Variants in CNTNAP2 observed in about 807,000 individuals in gnomAD.
CNTNAP2 encodes contactin associated protein 2, also known as contactin-associated protein-like 2.
CNTNAP2 carries 98 observed loss-of-function variants against 155.2 expected under a neutral mutation model. The observed-to-expected ratio is 0.63, with a 90% confidence interval of 0.54 to 0.75. The LOEUF is 0.75. Ranked by LOEUF, CNTNAP2 falls within the 30% of genes least tolerant of loss-of-function variation. The pLI, the probability that CNTNAP2 is intolerant of heterozygous loss-of-function variation, is 0.00. For missense variants in CNTNAP2, 1,727 were observed against 1,688.1 expected (o/e 1.02, Z -0.40); for synonymous variants, 651 against 631.2 (o/e 1.03, Z -0.47).
intron 18 of CNTNAP2, among the ~76,000 whole-genome samples, chr7:148,197,701 T>A (rs1396261719): frequency 6.6e-6 from 1 of 152,170 alleles, no homozygotes; most frequent in Non-Finnish European, 1.5e-5. Flanking sequence ...ATTTCAGCAA[T>A]CTTGACAGGC....
At chr7:147,734,123 G>A (rs1056462702) in intron 13 of CNTNAP2, among the ~76,000 whole-genome samples, 6 of 152,128 alleles carry the variant, frequency 3.9e-5, no homozygotes, top group African/African-American at 1.4e-4. Flanking sequence ...TCCAGTTTTT[G>A]CCCATTCAGT....
At chr7:147,300,733 C>T (rs34166730) in intron 9 of CNTNAP2, among the ~76,000 whole-genome samples, 3 of 152,118 alleles carry the variant, frequency 2.0e-5, no homozygotes, top group Admixed American at 6.5e-5. Flanking sequence ...CAAACTGTTA[C>T]TTGTGGCTGC....
At chr7:147,523,403 T>C (rs1799263100) in intron 11 of CNTNAP2, among the ~76,000 whole-genome samples, 1 of 152,124 alleles carries the variant, frequency 6.6e-6, no homozygotes, top group South Asian at 2.1e-4. Context: ...CTTCACCGTA[T>C]TGTATTCTTT....
intron 21 of CNTNAP2, among the ~76,000 whole-genome samples, chr7:148,272,813 G>A (rs1050464312): frequency 1.3e-5 from 2 of 152,168 alleles, no homozygotes; most frequent in East Asian, 1.9e-4. Flanking sequence ...TGTCCAGAGC[G>A]AGGGTATTAG....
rs963172081 is a variant in CNTNAP2 at position 148,028,937 on chromosome 7, T to C, written c.2383+50948T>C. Among the ~76,000 whole-genome samples, 6 of 152,294 alleles carry C rather than the reference T, an allele frequency of 3.9e-5. No homozygotes were observed. The South Asian group carries it at 1.2e-3, about 32-fold the overall frequency. ...TGGGGGAAGAGAAATCATCATAGTA[T>C]GACAATTGGGAGAAAATTACGTTTT... On this transcript the variant is annotated intron_variant, in intron 15 of 23. Coordinates refer to ENST00000361727, the MANE Select transcript of CNTNAP2 (RefSeq NM_014141.6).
intron 20 of CNTNAP2, among the ~76,000 whole-genome samples, chr7:148,246,256 G>A (rs1796260482): frequency 6.6e-6 from 1 of 152,140 alleles, no homozygotes; most frequent in African/African-American, 2.4e-5. Context: ...GTACTAAAAA[G>A]GATGTGTCTG....
intron 12 of CNTNAP2, among the ~76,000 whole-genome samples, chr7:147,583,169 T>C (rs956383110): frequency 6.6e-6 from 1 of 152,106 alleles, no homozygotes; most frequent in African/African-American, 2.4e-5. Flanking sequence ...ATTAATTTAA[T>C]TTATGAGAAA....
In CNTNAP2 at chr7:146,340,168, C is replaced by CAAA. The variant is rs1195946572; in HGVS notation, c.97+223216_97+223218dup. Among the ~76,000 whole-genome samples, 194 of 54,570 alleles carry CAAA rather than the reference C, an allele frequency of 3.6e-3. 3 individuals are homozygous for CAAA. Among genetic ancestry groups the CAAA allele is most frequent in the African/African-American group, 6.3e-3 (112 of 17,882 alleles). The allele number at this position is 54,570 out of a possible 152,430, so 35.8% of individuals were successfully genotyped here. ...TGGGCGATAGAGCGAGACTCCGCCT[C>CAAA]AAAAAAAAAAAAAAAAAAAAAAAGA... On this transcript the variant is annotated intron_variant, in intron 1 of 23. Coordinates refer to ENST00000361727, the MANE Select transcript of CNTNAP2 (RefSeq NM_014141.6).
intron 8 of CNTNAP2, among the ~76,000 whole-genome samples, chr7:147,275,172 A>AT (rs1044002246): frequency 6.6e-6 from 1 of 151,314 alleles, no homozygotes; most frequent in South Asian, 2.1e-4. Flanking sequence ...GAAATTTAGA[A>AT]TTTTTTTTTC....
chr7:147,158,527 G>A (rs1801968280), intron 8 of CNTNAP2, among the ~76,000 whole-genome samples: 1 of 152,028 alleles, frequency 6.6e-6, no homozygotes, highest in South Asian at 2.1e-4. Flanking sequence ...ATCTTATTCA[G>A]CTGACCTGCG....
At chr7:147,307,511 G>C (rs1235521083) in intron 9 of CNTNAP2, among the ~76,000 whole-genome samples, 7 of 152,112 alleles carry the variant, frequency 4.6e-5, no homozygotes, top group African/African-American at 1.7e-4. Context: ...TTGAACCCAG[G>C]AGGCAGAGGT....
intron 21 of CNTNAP2, among the ~76,000 whole-genome samples, chr7:148,372,275 A>G (rs995409358): frequency 1.2e-4 from 19 of 152,170 alleles, no homozygotes; most frequent in Admixed American, 1.3e-4. Context: ...GAAGCTTGGC[A>G]GGACTGGAAG....
At position 147,853,933 on chromosome 7, in the gene CNTNAP2, T is replaced by C. The variant is rs560635453; in HGVS notation, c.2099-49632T>C. Among the ~76,000 whole-genome samples the C allele has an allele frequency of 5.3e-5, 8 of 152,340 alleles. No individual in the cohort carries two copies. In the South Asian group the frequency reaches 1.7e-3, roughly 32 times the overall value. On this transcript the variant is annotated intron_variant, in intron 13 of 23. Coordinates refer to ENST00000361727, the MANE Select transcript of CNTNAP2 (RefSeq NM_014141.6). ...AGATTGTAAGACTAGAAGTTACTTT[T>C]AGAAAACCTAAACTATCTTGTAGAA...
intron 16 of CNTNAP2, among the ~76,000 whole-genome samples, chr7:148,118,677 G>A (rs17482614): frequency 0.089 from 13,476 of 152,144 alleles, 732 homozygotes; most frequent in Admixed American, 0.12. Context: ...ATCATGTCAA[G>A]GTCAAGGAAG....
intron 13 of CNTNAP2, among the ~76,000 whole-genome samples, chr7:147,731,098 G>C (rs1486588238): frequency 6.6e-6 from 1 of 152,126 alleles, no homozygotes; most frequent in Non-Finnish European, 1.5e-5. Context: ...TAACGTGAAA[G>C]TGCAAGGTGA....
At chr7:146,845,157 A>C (rs1169300599) in intron 3 of CNTNAP2, among the ~76,000 whole-genome samples, 3 of 152,206 alleles carry the variant, frequency 2.0e-5, no homozygotes, top group Non-Finnish European at 4.4e-5. Flanking sequence ...AGTTTCATTT[A>C]TGAAACATTT....
At chr7:148,080,577 C>A (rs1198413753) in intron 15 of CNTNAP2, among the ~76,000 whole-genome samples, 1 of 148,120 alleles carries the variant, frequency 6.8e-6, no homozygotes, top group South Asian at 2.2e-4. Context: ...TGCACTCCAG[C>A]CTGGGCAACA....
At chr7:146,469,999 C>T (rs1478056796) in intron 1 of CNTNAP2, among the ~76,000 whole-genome samples, 1 of 151,728 alleles carries the variant, frequency 6.6e-6, no homozygotes, top group Admixed American at 6.6e-5. Context: ...ACCACCACGC[C>T]CGGCTAATTT....
intron 13 of CNTNAP2, among the ~76,000 whole-genome samples, chr7:147,799,050 C>A (rs914470131): frequency 6.6e-6 from 1 of 152,186 alleles, no homozygotes; most frequent in Admixed American, 6.5e-5. Flanking sequence ...AAACCCCAGG[C>A]CTTCCCATAA....
Sources: allele counts gnomAD v4.1 joint callset (sites outside exome capture counted in the v4.1 genomes callset), GRCh38; gene constraint gnomAD v4.1.1; transcripts MANE v1.5; gene names NCBI Gene and HGNC (gene_info 2026-07-23, HGNC 2026-07-21).